The following CDCA7L variants were observed in gnomAD, a reference collection of about 807,000 sequenced individuals.
CDCA7L encodes the protein cell division cycle associated 7 like.
In CDCA7L, 44 loss-of-function variants were observed where a neutral mutation model predicts 57.4. That is an observed-to-expected ratio of 0.77 (90% CI 0.60 to 0.98). The LOEUF is 0.98. Among genes scored for constraint, CDCA7L ranks in the 50% least tolerant of loss-of-function variants. The pLI is 0.00. For synonymous variants in CDCA7L, 236 were observed against 202.8 expected, an observed-to-expected ratio of 1.16 and a Z score of -1.39; for missense variants, 644 against 580.6, an observed-to-expected ratio of 1.11 and a Z score of -1.12.
chr7:21,928,580 G>A (rs749418801), intron 1 of CDCA7L, among the ~76,000 whole-genome samples: 2 of 151,910 alleles, frequency 1.3e-5, no homozygotes, highest in African/African-American at 4.8e-5. Context: ...AATTGCTAAC[G>A]AGAATAACCA....
intron 2 of CDCA7L, among the ~76,000 whole-genome samples, chr7:21,913,868 G>C (rs1426924347): frequency 6.6e-6 from 1 of 152,198 alleles, no homozygotes; most frequent in Non-Finnish European, 1.5e-5. Flanking sequence ...CTGTGCTTTA[G>C]TTTCCTTACT....
At chr7:21,929,868 TA>T (rs1309114162) in intron 1 of CDCA7L, among the ~76,000 whole-genome samples, 2 of 151,994 alleles carry the variant, frequency 1.3e-5, no homozygotes, top group African/African-American at 4.8e-5. Context: ...CACACAATAA[TA>T]GTGGGAGACT....
At position 21,900,987 on chromosome 7, in the gene CDCA7L, CCG is replaced by C. The variant is rs1784787799; in HGVS notation, c.*1333_*1334del. The C allele has an allele frequency of 4.5e-6, 7 of 1,558,146 alleles. No individual in the cohort carries two copies. Among genetic ancestry groups the C allele is most frequent in the Non-Finnish European group, 6.1e-6 (7 of 1,152,638 alleles). On this transcript the variant is annotated 3_prime_UTR_variant, in exon 10 of 10. Coordinates refer to ENST00000406877, the MANE Select transcript of CDCA7L (RefSeq NM_018719.5). ...GTAGCAAGCTGCCACACAATTGCAACCGCTGTGTTTTTGCCATAGGCGCCCGC... is the reference window on the plus strand; with the variant it reads ...GTAGCAAGCTGCCACACAATTGCAACCTGTGTTTTTGCCATAGGCGCCCGC...
chr7:21,918,461 C>A (rs1484920043), intron 1 of CDCA7L, among the ~76,000 whole-genome samples: 2 of 152,194 alleles, frequency 1.3e-5, no homozygotes, highest in Non-Finnish European at 2.9e-5. Context: ...GCATCATGAT[C>A]CAAATAAGGT....
chr7:21,916,678 G>T, intron 2 of CDCA7L, 76 bp downstream of exon 2: 1 of 1,367,664 alleles, frequency 7.3e-7, no homozygotes, highest in Non-Finnish European at 1.0e-6. Context: ...CTCACACCAT[G>T]TTCAAATAAA....
chr7:21,928,539 G>A (rs190080888), intron 1 of CDCA7L, among the ~76,000 whole-genome samples: 14 of 152,076 alleles, frequency 9.2e-5, no homozygotes, highest in African/African-American at 3.4e-4. Context: ...TCAATACAAG[G>A]AAACTAAGAA....
chr7:21,902,845 A>T, intron 9 of CDCA7L, 133 bp downstream of exon 9: 1 of 755,946 alleles, frequency 1.3e-6, no homozygotes, highest in Admixed American at 2.5e-5. Context: ...AAACAGATAC[A>T]GAATGGATGG....
chr7:21,902,763 T>G (rs763069556), intron 9 of CDCA7L: 2 of 533,342 alleles, frequency 3.7e-6, no homozygotes, highest in Admixed American at 6.9e-5. Context: ...CAACGTGGAG[T>G]TGAGTTGAAA....
At position 21,904,030 on chromosome 7, in the gene CDCA7L, G is replaced by T. The variant is rs1258553912; in HGVS notation, c.1197+80C>A. ...GAGTTCTGGAGCTCCCTAGTTCCCA[G>T]TGAGAACCCAGGAGGCCCATCTTTA... On this transcript the variant is annotated intron_variant, in intron 8 of 9. Coordinates refer to ENST00000406877, the MANE Select transcript of CDCA7L (RefSeq NM_018719.5). 3 of 1,378,902 alleles carry T rather than the reference G, an allele frequency of 2.2e-6. No individual in the cohort carries two copies. The African/African-American group carries it at 4.4e-5, about 20-fold the overall frequency. The allele number at this position is 1,378,902 out of a possible 1,614,324, so 85.4% of individuals were successfully genotyped here. A position where few individuals can be genotyped will look rare whatever the true frequency, so the allele number is the denominator to read the frequency against.
At chr7:21,941,502 A>C (rs1359501817) in intron 1 of CDCA7L, among the ~76,000 whole-genome samples, 12 of 152,214 alleles carry the variant, frequency 7.9e-5, no homozygotes, top group Admixed American at 7.8e-4. Context: ...GTACAATGCA[A>C]ATTTCACATA....
chr7:21,934,005 G>C (rs1786091654), intron 1 of CDCA7L, among the ~76,000 whole-genome samples: 1 of 151,370 alleles, frequency 6.6e-6, no homozygotes, highest in Non-Finnish European at 1.5e-5. Context: ...CAAAAGCCAA[G>C]GGAATTCATT....
rs1344734344 is a variant in CDCA7L at position 21,901,026 on chromosome 7, A to G, written c.*1296T>C. 1 of 1,608,624 alleles carries G rather than the reference A, an allele frequency of 6.2e-7. No homozygotes were observed. ...CCATAGGCGCCCGCTGGGACACCCA[A>G]GCAGGAACCATTGTTGAAGCCCGTC... On this transcript the variant is annotated 3_prime_UTR_variant, in exon 10 of 10. Transcript: ENST00000406877.
intron 9 of CDCA7L, 63 bp downstream of exon 9, chr7:21,902,915 G>C: frequency 6.5e-7 from 1 of 1,532,202 alleles, no homozygotes; most frequent in Non-Finnish European, 8.9e-7. Context: ...CTTGCCCAGA[G>C]GGTCTCCTGT....
chr7:21,910,693 G>A (rs556567136), intron 3 of CDCA7L, among the ~76,000 whole-genome samples: 2 of 152,298 alleles, frequency 1.3e-5, no homozygotes, highest in Non-Finnish European at 2.9e-5. Flanking sequence ...GTTCAAACAC[G>A]AGTGGGCAGT....
intron 3 of CDCA7L, among the ~76,000 whole-genome samples, chr7:21,911,235 G>A (rs569284294): frequency 5.9e-5 from 9 of 151,454 alleles, no homozygotes; most frequent in South Asian, 4.2e-4. Context: ...TCACCATATC[G>A]GTGAGGCTGG....
At chr7:21,936,602 C>T (rs1451820296) in intron 1 of CDCA7L, among the ~76,000 whole-genome samples, 1 of 151,756 alleles carries the variant, frequency 6.6e-6, no homozygotes, top group African/African-American at 2.4e-5. Context: ...AGAAAAACAT[C>T]TGACAAAATT....
chr7:21,905,504 A>C lies in CDCA7L; in HGVS notation c.1047+2T>G. On this transcript the variant is annotated splice_donor_variant, in intron 7 of 9. Coordinates refer to ENST00000406877, the MANE Select transcript of CDCA7L (RefSeq NM_018719.5). LOFTEE classifies it high-confidence loss of function. ...AAGAATGACAATTAATGTATACTTT[A>C]CCAGAACTTTATCATAGATTTTATC... The C allele has an allele frequency of 6.2e-7, 1 of 1,613,276 alleles. No individual in the cohort carries two copies. The highest frequency in any genetic ancestry group is 8.5e-7 in the Non-Finnish European group (1 of 1,179,646).
chr7:21,944,034 G>C (rs372093339), intron 1 of CDCA7L, among the ~76,000 whole-genome samples: 2 of 152,126 alleles, frequency 1.3e-5, no homozygotes, highest in Non-Finnish European at 2.9e-5. Context: ...AAGGAGCTCC[G>C]GAGTGATAAA....
intron 2 of CDCA7L, among the ~76,000 whole-genome samples, chr7:21,916,285 C>T (rs775305572): frequency 6.6e-6 from 1 of 152,014 alleles, no homozygotes; most frequent in Non-Finnish European, 1.5e-5. Flanking sequence ...TGCTAGAGAT[C>T]AAAGTAATTA....
Sources: gnomAD v4.1 joint callset for allele counts (sites outside exome capture counted in the v4.1 genomes callset) on GRCh38, gnomAD v4.1.1 for gene constraint, MANE v1.5 for transcripts, NCBI Gene and HGNC (gene_info 2026-07-23, HGNC 2026-07-21) for gene names.